The following METTL15 variants were observed in gnomAD, a reference collection of about 807,000 sequenced individuals.
METTL15 encodes 12S rRNA N(4)-cytidine methyltransferase METTL15.
A neutral mutation model predicts 38.3 loss-of-function variants in METTL15; 34 were observed. The observed-to-expected ratio is 0.89, with a 90% CI of 0.68 to 1.18. The LOEUF (loss-of-function observed/expected upper bound fraction) is 1.18. METTL15 is among the 50% of genes most tolerant of loss of function. The pLI is 0.00. For synonymous variants in METTL15, 162 were observed against 170.9 expected (o/e 0.95, Z 0.41); for missense variants, 438 against 498.4 (o/e 0.88, Z 1.15).
chr11:28,522,038 G>A lies in METTL15; in HGVS notation c.*425-4440G>A, dbSNP rs77744070. 3.1e-3 allele frequency among the ~76,000 whole-genome samples: 478 copies of A among 152,268 alleles called. 1 individual carries two copies. The highest frequency in any genetic ancestry group is 0.011 in the African/African-American group (467 of 41,528). On this transcript the variant is annotated intron_variant and NMD_transcript_variant, in intron 6 of 7. Transcript: ENST00000532947. The stretch of plus-strand genomic sequence containing the variant: ...ACTAATACAGGTGTGTAGTAATGAG[G>A]TAGTGAAATGAATGCTGTATCATTA...
intron 3 of METTL15, chr11:28,163,429 A>G: frequency 2.5e-6 from 1 of 398,102 alleles, no homozygotes; most frequent in Non-Finnish European, 4.4e-6. Flanking sequence ...TGTCATTTGA[A>G]ATCGGTTCCA....
intron 6 of METTL15, among the ~76,000 whole-genome samples, chr11:28,446,417 G>A (rs954530221): frequency 1.3e-5 from 2 of 152,142 alleles, no homozygotes; most frequent in Non-Finnish European, 2.9e-5. Context: ...TCAAGGAGCA[G>A]ATCTTACAAG....
intron 3 of METTL15, among the ~76,000 whole-genome samples, chr11:28,203,251 A>G (rs1389843629): frequency 6.6e-6 from 1 of 152,106 alleles, no homozygotes; most frequent in African/African-American, 2.4e-5. Flanking sequence ...TCAAATTGGA[A>G]TCTATAACCT....
intron 6 of METTL15, 76 bp downstream of exon 6, chr11:28,297,007 A>G: frequency 2.0e-5 from 28 of 1,393,762 alleles, no homozygotes; most frequent in South Asian, 3.6e-5. Flanking sequence ...GTGTGCATGC[A>G]CGCATGCACA....
intron 6 of METTL15, among the ~76,000 whole-genome samples, chr11:28,477,954 T>A (rs1468530442): frequency 6.6e-6 from 1 of 152,334 alleles, no homozygotes; most frequent in South Asian, 2.1e-4. Flanking sequence ...TATATAGATA[T>A]GGTTCTTACA....
chr11:28,246,840 A>G (rs1854535076), intron 4 of METTL15, among the ~76,000 whole-genome samples: 1 of 152,186 alleles, frequency 6.6e-6, no homozygotes, highest in Non-Finnish European at 1.5e-5. Flanking sequence ...CACATGTGGC[A>G]GCTAGTTAAT....
intron 5 of METTL15, among the ~76,000 whole-genome samples, chr11:28,402,701 A>G (rs1850640462): frequency 6.6e-6 from 1 of 151,972 alleles, no homozygotes; most frequent in African/African-American, 2.4e-5. Flanking sequence ...GTCTAATTTT[A>G]GACTTAAGGG....
intron 4 of METTL15, among the ~76,000 whole-genome samples, chr11:28,224,729 T>G (rs1853401257): frequency 6.6e-6 from 1 of 151,868 alleles, no homozygotes; most frequent in Admixed American, 6.6e-5. Context: ...ATATTCATAT[T>G]GTTGATGATT....
intron 4 of METTL15, among the ~76,000 whole-genome samples, chr11:28,243,654 T>C (rs1854393721): frequency 6.6e-6 from 1 of 152,182 alleles, no homozygotes; most frequent in African/African-American, 2.4e-5. Context: ...CCAAGTACAT[T>C]ATGATAGCAC....
intron 6 of METTL15, among the ~76,000 whole-genome samples, chr11:28,508,579 C>T (rs888324376): frequency 6.6e-6 from 1 of 152,188 alleles, no homozygotes; most frequent in African/African-American, 2.4e-5. Flanking sequence ...CAGGCAGGAG[C>T]ATATTTTCAC....
intron 6 of METTL15, among the ~76,000 whole-genome samples, chr11:28,466,261 G>A (rs1013554235): frequency 1.3e-5 from 2 of 152,174 alleles, no homozygotes; most frequent in African/African-American, 4.8e-5. Flanking sequence ...ATTGACGAAC[G>A]GCCAAATTGG....
chr11:28,363,653 G>C (rs1430161179), intron 5 of METTL15, among the ~76,000 whole-genome samples: 1 of 151,982 alleles, frequency 6.6e-6, no homozygotes, highest in Non-Finnish European at 1.5e-5. Flanking sequence ...TTTCTCTGTT[G>C]GTAATTTATA....
At chr11:28,409,123 CT>C (rs1850701950) in intron 5 of METTL15, among the ~76,000 whole-genome samples, 2 of 152,078 alleles carry the variant, frequency 1.3e-5, no homozygotes, top group African/African-American at 4.8e-5. Context: ...TGGCTCACGC[CT>C]GTAATCCCAG....
chr11:28,289,535 G>A (rs1856425983), intron 4 of METTL15, among the ~76,000 whole-genome samples: 1 of 152,056 alleles, frequency 6.6e-6, no homozygotes, highest in Admixed American at 6.6e-5. Context: ...AACCATAAAG[G>A]CAGCATCTCA....
intron 6 of METTL15, among the ~76,000 whole-genome samples, chr11:28,465,307 G>A (rs962161352): frequency 1.3e-5 from 2 of 151,698 alleles, no homozygotes; most frequent in African/African-American, 4.9e-5. Context: ...TACCCTTCTT[G>A]TCCTTTCAAT....
intron 6 of METTL15, among the ~76,000 whole-genome samples, chr11:28,439,247 T>C (rs1346411653): frequency 6.6e-6 from 1 of 152,188 alleles, no homozygotes; most frequent in African/African-American, 2.4e-5. Context: ...ACAATTTTGT[T>C]ACGGCTACTC....
At chr11:28,306,120 C>T (rs191634300) in intron 6 of METTL15, among the ~76,000 whole-genome samples, 17 of 152,112 alleles carry the variant, frequency 1.1e-4, no homozygotes, top group African/African-American at 3.6e-4. Context: ...AGTGTAACCA[C>T]GTACTCTAGA....
chr11:28,489,915 A>T (rs991803324), intron 6 of METTL15, among the ~76,000 whole-genome samples: 4 of 151,330 alleles, frequency 2.6e-5, no homozygotes, highest in Non-Finnish European at 5.9e-5. Flanking sequence ...AAAGAAAAGT[A>T]AACTTCTCTT....
intron 4 of METTL15, among the ~76,000 whole-genome samples, chr11:28,223,676 A>T (rs1406628484): frequency 6.6e-6 from 1 of 152,154 alleles, no homozygotes; most frequent in African/African-American, 2.4e-5. Context: ...ATAGAAACTA[A>T]CATTTTTACA....
Sources: gnomAD v4.1 joint callset for allele counts (sites outside exome capture counted in the v4.1 genomes callset) on GRCh38, gnomAD v4.1.1 for gene constraint, MANE v1.5 for transcripts, NCBI Gene and HGNC (gene_info 2026-07-23, HGNC 2026-07-21) for gene names.